The following DPYD variants were observed in gnomAD, a reference collection of about 807,000 sequenced individuals.
DPYD encodes dihydropyrimidine dehydrogenase, also known as dihydropyrimidine dehydrogenase [NADP(+)].
In DPYD, 109 loss-of-function variants were observed where a neutral mutation model predicts 116.2. That is an observed-to-expected ratio of 0.94 (90% confidence interval 0.80 to 1.10). The LOEUF (loss-of-function observed/expected upper bound fraction) is 1.10, where lower values mean the gene tolerates loss of function less well. Ranked by LOEUF, DPYD falls within the 50% of genes least tolerant of loss-of-function variation. The pLI is 0.00. For missense variants in DPYD, 1,302 were observed against 1,254.5 expected (o/e 1.04, Z -0.57); for synonymous variants, 440 against 432.0 (o/e 1.02, Z -0.23).
intron 20 of DPYD, among the ~76,000 whole-genome samples, chr1:97,157,971 T>TTTGGC (rs1245738697): frequency 6.6e-6 from 1 of 152,112 alleles, no homozygotes; most frequent in Non-Finnish European, 1.5e-5. Context: ...GCATCACATA[T>TTTGGC]TTGGACTTGA....
chr1:97,596,093 TGAGA>T (rs1057164331), intron 8 of DPYD, among the ~76,000 whole-genome samples: 4 of 152,040 alleles, frequency 2.6e-5, no homozygotes, highest in Admixed American at 2.6e-4. Flanking sequence ...GAAAATAAGA[TGAGA>T]GAGTACCAGA....
At chr1:97,908,080 C>A (rs961291340) in intron 1 of DPYD, among the ~76,000 whole-genome samples, 25 of 151,966 alleles carry the variant, frequency 1.6e-4, no homozygotes, top group African/African-American at 5.8e-4. Context: ...AGGCGTCACT[C>A]TGTTGCCCAA....
At chr1:97,751,460 G>GTGTGTATGTATATA (rs763260651) in intron 3 of DPYD, among the ~76,000 whole-genome samples, 1 of 21,274 alleles carries the variant, frequency 4.7e-5, no homozygotes. Flanking sequence ...GTGTGTGTGT[G>GTGTGTATGTATATA]TATATATATA....
intron 3 of DPYD, among the ~76,000 whole-genome samples, chr1:97,752,166 T>C (rs1571301209): frequency 6.6e-6 from 1 of 152,234 alleles, no homozygotes; most frequent in South Asian, 2.1e-4. Context: ...TGTCCATATA[T>C]GAATTGTCTT....
At chr1:97,335,274 C>T (rs986753830) in intron 16 of DPYD, among the ~76,000 whole-genome samples, 10 of 146,694 alleles carry the variant, frequency 6.8e-5, no homozygotes, top group African/African-American at 2.5e-4. Context: ...GCTGGCTATG[C>T]ATCACAATCA....
At chr1:97,195,684 A>C (rs1430990641) in intron 19 of DPYD, among the ~76,000 whole-genome samples, 1 of 87,134 alleles carries the variant, frequency 1.1e-5, no homozygotes, top group African/African-American at 5.0e-5. Flanking sequence ...ATATATATAT[A>C]TATATGCCTA....
intron 16 of DPYD, among the ~76,000 whole-genome samples, chr1:97,317,444 T>C (rs1371664084): frequency 6.6e-6 from 1 of 152,004 alleles, no homozygotes; most frequent in Non-Finnish European, 1.5e-5. Flanking sequence ...TATGGATTCA[T>C]TTTGGATAAG....
At chr1:97,873,476 A>G (rs1671759047) in intron 2 of DPYD, among the ~76,000 whole-genome samples, 2 of 152,056 alleles carry the variant, frequency 1.3e-5, no homozygotes, top group Non-Finnish European at 2.9e-5. Context: ...AAACCAATCA[A>G]TAGCTTCATA....
At chr1:97,536,023 A>C (rs1199698172) in intron 12 of DPYD, among the ~76,000 whole-genome samples, 1 of 152,238 alleles carries the variant, frequency 6.6e-6, no homozygotes, top group African/African-American at 2.4e-5. Flanking sequence ...ATTTATAAGC[A>C]ACTGAAGAAG....
intron 8 of DPYD, among the ~76,000 whole-genome samples, chr1:97,645,778 C>A (rs1455912612): frequency 6.6e-6 from 1 of 151,984 alleles, no homozygotes; most frequent in Non-Finnish European, 1.5e-5. Flanking sequence ...TAATTTTGAG[C>A]CCCAATCTTA....
At chr1:97,384,788 G>A (rs1205810403) in intron 14 of DPYD, among the ~76,000 whole-genome samples, 7 of 151,972 alleles carry the variant, frequency 4.6e-5, no homozygotes, top group Non-Finnish European at 1.0e-4. Context: ...TGAGAAATTC[G>A]CAGACCATTA....
At chr1:97,348,052 G>C (rs890415767) in intron 16 of DPYD, among the ~76,000 whole-genome samples, 1 of 152,036 alleles carries the variant, frequency 6.6e-6, no homozygotes, top group African/African-American at 2.4e-5. Flanking sequence ...GCTTTTGCTT[G>C]TACAGTATAT....
At position 97,740,478 on chromosome 1, in the gene DPYD, A is replaced by G; in HGVS notation, c.235T>C (p.Cys79Arg). Reference protein sequence around the residue: ...ERGALREAMRCLKCADAPCQK... With the variant: ...ERGALREAMRRLKCADAPCQK... ...CACGGGGCATCTGCACATTTCAGGC[A>G]TCTAGGAAATAAAATAACTATGTTA... The change falls in exon 4 of 23, where the codon TGC becomes CGC. Residue 79 changes from cysteine to arginine, a missense_variant and splice_region_variant. Transcript: ENST00000370192. 1 of 1,611,676 alleles carries G rather than the reference A, an allele frequency of 6.2e-7. No individual in the cohort carries two copies. The highest frequency in any genetic ancestry group is 1.1e-5 in the South Asian group (1 of 91,042).
intron 13 of DPYD, among the ~76,000 whole-genome samples, chr1:97,512,786 T>C (rs1348918928): frequency 6.6e-6 from 1 of 151,872 alleles, no homozygotes; most frequent in African/African-American, 2.4e-5. Context: ...GGAGCCGATA[T>C]ACATTTGTAT....
intron 3 of DPYD, among the ~76,000 whole-genome samples, chr1:97,807,777 T>C (rs940544525): frequency 1.3e-5 from 2 of 152,088 alleles, no homozygotes; most frequent in Non-Finnish European, 2.9e-5. Flanking sequence ...GTGTTTTCTA[T>C]TTAGTTCTAC....
chr1:97,327,078 T>A (rs576633822), intron 16 of DPYD, among the ~76,000 whole-genome samples: 2 of 152,060 alleles, frequency 1.3e-5, no homozygotes, highest in Non-Finnish European at 2.9e-5. Context: ...TGAACTTTGC[T>A]TATTAAACAC....
rs1048388602 is a variant in DPYD, at chr1:97,364,846, T to C, written c.2058+8715A>G. Among the ~76,000 whole-genome samples the C allele has an allele frequency of 1.3e-5, 2 of 152,158 alleles. 1 individual carries two copies. Among genetic ancestry groups the C allele is most frequent in the Non-Finnish European group, 2.9e-5 (2 of 68,040 alleles). On this transcript the variant is annotated intron_variant, in intron 16 of 22. Transcript: ENST00000370192. Reference sequence around the variant, plus strand: ...GCCGTAATTTTAATAACTTTATTTTTCTTGACTTACCTTATCTCCTTCTCT... The same window carrying C: ...GCCGTAATTTTAATAACTTTATTTTCCTTGACTTACCTTATCTCCTTCTCT...
At chr1:97,781,232 A>G (rs1666726428) in intron 3 of DPYD, among the ~76,000 whole-genome samples, 1 of 152,248 alleles carries the variant, frequency 6.6e-6, no homozygotes, top group African/African-American at 2.4e-5. Flanking sequence ...TATTCATTGT[A>G]AATGTATACA....
chr1:97,421,772 C>A (rs1674598977), intron 14 of DPYD, among the ~76,000 whole-genome samples: 2 of 152,152 alleles, frequency 1.3e-5, no homozygotes, highest in South Asian at 4.1e-4. Flanking sequence ...ACACTCTGAG[C>A]ATCTTAAAGA....
Sources: gnomAD v4.1 joint callset for allele counts (sites outside exome capture counted in the v4.1 genomes callset) on GRCh38, gnomAD v4.1.1 for gene constraint, MANE v1.5 for transcripts, NCBI Gene and HGNC (gene_info 2026-07-23, HGNC 2026-07-21) for gene names.